The following RALYL variants were observed in gnomAD, a reference collection of about 807,000 sequenced individuals.
The protein encoded by RALYL is RNA-binding Raly-like protein.
In RALYL, 29 loss-of-function variants were observed where a neutral mutation model predicts 35.1. The ratio of observed to expected loss-of-function variants is 0.83; its 90% CI spans 0.61 to 1.13. The LOEUF (loss-of-function observed/expected upper bound fraction) is 1.13. RALYL is among the 50% of genes most tolerant of loss of function. The pLI is 0.00. For missense variants in RALYL, 359 were observed against 360.4 expected (o/e 1.00, Z 0.03); for synonymous variants, 120 against 127.6 (o/e 0.94, Z 0.40).
chr8:84,191,008 G>T (rs1343080612), intron 1 of RALYL, among the ~76,000 whole-genome samples: 1 of 151,738 alleles, frequency 6.6e-6, no homozygotes, highest in Non-Finnish European at 1.5e-5. Flanking sequence ...AGCTAATGCT[G>T]CATAGGCTCA....
At chr8:84,544,922 T>G (rs1282192751) in intron 2 of RALYL, among the ~76,000 whole-genome samples, 1 of 152,086 alleles carries the variant, frequency 6.6e-6, no homozygotes, top group African/African-American at 2.4e-5. Flanking sequence ...TTTCTCTTAT[T>G]ATAAGTGAAA....
intron 1 of RALYL, among the ~76,000 whole-genome samples, chr8:84,207,771 T>C (rs971226299): frequency 6.6e-6 from 1 of 151,768 alleles, no homozygotes; most frequent in African/African-American, 2.4e-5. Flanking sequence ...GTATTTTAAT[T>C]ACCTTGACTG....
intron 7 of RALYL, among the ~76,000 whole-genome samples, chr8:84,878,888 T>C (rs1841689202): frequency 6.6e-6 from 1 of 152,154 alleles, no homozygotes; most frequent in Non-Finnish European, 1.5e-5. Context: ...GTCATCTGTA[T>C]TCATTCTGAG....
intron 2 of RALYL, among the ~76,000 whole-genome samples, chr8:84,720,127 A>G (rs974185137): frequency 2.0e-5 from 3 of 152,100 alleles, no homozygotes; most frequent in African/African-American, 7.2e-5. Context: ...TATTCCAGTG[A>G]CATACTGTGT....
intron 2 of RALYL, among the ~76,000 whole-genome samples, chr8:84,716,195 C>T (rs996483612): frequency 1.3e-5 from 2 of 152,128 alleles, no homozygotes; most frequent in African/African-American, 4.8e-5. Context: ...GGAATGTTGA[C>T]TTTGAAGTCA....
At chr8:84,731,777 C>G (rs946150279) in intron 2 of RALYL, among the ~76,000 whole-genome samples, 2 of 152,110 alleles carry the variant, frequency 1.3e-5, no homozygotes, top group Admixed American at 6.6e-5. Context: ...AAAAAACTAT[C>G]GCTTTCTATT....
chr8:84,750,450 T>G (rs150329820), intron 2 of RALYL, among the ~76,000 whole-genome samples: 2 of 152,088 alleles, frequency 1.3e-5, no homozygotes, highest in Admixed American at 1.3e-4. Context: ...GGCTCCTGGT[T>G]GAAGATGATC....
rs551951117 is a variant in RALYL, at chr8:84,588,161, C to T, written c.256+58584C>T. ...TAGAAATGTGTAGGACCAGTATGTG[C>T]ATTTCAGGGGAGTTAAGCAAGATAA... On this transcript the variant is annotated intron_variant, in intron 2 of 8. Coordinates refer to ENST00000521268, the MANE Select transcript of RALYL (RefSeq NM_173848.7). Among the ~76,000 whole-genome samples the T allele has an allele frequency of 9.9e-5, 15 of 152,212 alleles. No homozygotes were observed. In the South Asian group the frequency reaches 3.1e-3, roughly 32 times the overall value.
chr8:84,202,878 G>A (rs1013054130), intron 1 of RALYL, among the ~76,000 whole-genome samples: 3 of 151,896 alleles, frequency 2.0e-5, no homozygotes, highest in African/African-American at 2.4e-5. Flanking sequence ...TTTTCAGTAC[G>A]TACATGTATA....
At chr8:84,740,407 A>G (rs1406434619) in intron 2 of RALYL, among the ~76,000 whole-genome samples, 1 of 152,070 alleles carries the variant, frequency 6.6e-6, no homozygotes. Flanking sequence ...GTGATAGAGA[A>G]GAGATTATAC....
intron 2 of RALYL, among the ~76,000 whole-genome samples, chr8:84,683,840 C>G (rs1836180648): frequency 6.6e-6 from 1 of 152,120 alleles, no homozygotes; most frequent in African/African-American, 2.4e-5. Flanking sequence ...GCATGTGCCA[C>G]CATGCCCAGC....
rs970372263 is a variant in RALYL, at chr8:84,441,102, T to A, written c.-23-88197T>A. ...GGTATGTAGTAGTGGTGTATTTTTT[T>A]AATAATAAATGATACTTTAAAGCAT... On this transcript the variant is annotated intron_variant, in intron 1 of 8. Coordinates refer to ENST00000521268, the MANE Select transcript of RALYL (RefSeq NM_173848.7). 4.6e-5 allele frequency among the ~76,000 whole-genome samples: 7 copies of A among 152,222 alleles called. No individual in the cohort carries two copies. The East Asian group carries it at 1.2e-3, about 25-fold the overall frequency.
Position 84,623,649 on chromosome 8 carries a change from A to T in RALYL, c.256+94072A>T, listed in dbSNP as rs562097707. Among the ~76,000 whole-genome samples the T allele has an allele frequency of 9.2e-5, 14 of 152,294 alleles. No individual in the cohort carries two copies. In the East Asian group the frequency reaches 2.5e-3, roughly 27 times the overall value. ...GAACATGAAATGAAAGAATACAAAC[A>T]GCAATTCGAAGAAGTTTTTCTCTAA... On this transcript the variant is annotated intron_variant, in intron 2 of 8. Transcript: ENST00000521268.
At chr8:84,514,090 TAAAAAAAAAA>T (rs57881021) in intron 1 of RALYL, among the ~76,000 whole-genome samples, 36 of 41,174 alleles carry the variant, frequency 8.7e-4, no homozygotes, top group African/African-American at 2.5e-3. Context: ...AGATTTCATC[TAAAAAAAAAA>T]AAAAAAAAAA....
intron 2 of RALYL, among the ~76,000 whole-genome samples, chr8:84,654,270 C>CAT (rs143309933): frequency 0.073 from 3,133 of 43,210 alleles, 234 homozygotes; most frequent in Non-Finnish European, 0.11. Context: ...TCTCATGTTC[C>CAT]ATATATATAT....
intron 4 of RALYL, among the ~76,000 whole-genome samples, 170 bp downstream of exon 4, chr8:84,804,972 T>C (rs1824245291): frequency 6.6e-6 from 1 of 152,176 alleles, no homozygotes; most frequent in Non-Finnish European, 1.5e-5. Context: ...GCTCCCTAGG[T>C]TGTATTGTGA....
chr8:84,412,537 AG>A (rs540923999), intron 1 of RALYL, among the ~76,000 whole-genome samples: 275 of 152,004 alleles, frequency 1.8e-3, no homozygotes, highest in African/African-American at 6.4e-3. Context: ...TGAATCCCAA[AG>A]GCATTCACAT....
At chr8:84,317,506 A>G (rs1375467669) in intron 1 of RALYL, among the ~76,000 whole-genome samples, 1 of 152,174 alleles carries the variant, frequency 6.6e-6, no homozygotes, top group Non-Finnish European at 1.5e-5. Context: ...CTCTTTAGCA[A>G]TGAGAGAATC....
In RALYL at chr8:84,293,561, C is replaced by T. The variant is rs146466122; in HGVS notation, c.-24+109137C>T. ...CTGTATTCTGTGTTGATATAAACAC[C>T]TACATATTTTTTCTTTGATACTCCA... On this transcript the variant is annotated intron_variant, in intron 1 of 8. Transcript: ENST00000521268. 3.4e-3 allele frequency among the ~76,000 whole-genome samples: 524 copies of T among 152,146 alleles called. 2 individuals are homozygous for T. The highest frequency in any genetic ancestry group is 5.4e-3 in the Non-Finnish European group (365 of 67,984).
Sources: allele counts gnomAD v4.1 joint callset (sites outside exome capture counted in the v4.1 genomes callset), GRCh38; gene constraint gnomAD v4.1.1; transcripts MANE v1.5; gene names NCBI Gene and HGNC (gene_info 2026-07-23, HGNC 2026-07-21).